Variants in PRKN observed in about 807,000 individuals in gnomAD.
The protein encoded by PRKN is parkin RBR E3 ubiquitin protein ligase.
Under a neutral mutation model 59.5 loss-of-function variants are expected in PRKN, and 56 were observed. The ratio of observed to expected loss-of-function variants is 0.94; its 90% CI spans 0.76 to 1.18. PRKN has a LOEUF of 1.18. PRKN is among the 50% of genes most tolerant of loss of function. The pLI is 0.00. For synonymous variants in PRKN, 250 were observed against 222.1 expected (o/e 1.13, Z -1.12); for missense variants, 657 against 596.4 (o/e 1.10, Z -1.06).
At chr6:161,796,676 C>G (rs1191470140) in intron 6 of PRKN, among the ~76,000 whole-genome samples, 4 of 151,982 alleles carry the variant, frequency 2.6e-5, no homozygotes, top group African/African-American at 9.7e-5. Context: ...TATAATAGTC[C>G]AAGTTCTTCA....
chr6:161,366,771 G>A (rs1487455202), intron 10 of PRKN, among the ~76,000 whole-genome samples: 1 of 152,002 alleles, frequency 6.6e-6, no homozygotes, highest in Non-Finnish European at 1.5e-5. Context: ...ACCAGCCCGG[G>A]TGTTTCTGTA....
rs185986017 is a variant in PRKN, at chr6:161,401,358, C to T, written c.1084-14481G>A. Reference sequence around the variant, plus strand: ...GGGCATGGTGGCTCACATCTGTAATCCCAGCACTTTGGGAAGCCAAGGTGG... The same window carrying T: ...GGGCATGGTGGCTCACATCTGTAATTCCAGCACTTTGGGAAGCCAAGGTGG... On this transcript the variant is annotated intron_variant, in intron 9 of 11. Transcript: ENST00000366898. This position sits in a 1 kb window ranked among gnomAD's most constrained non-coding sequence, Gnocchi z 4.4. Among the ~76,000 whole-genome samples the T allele has an allele frequency of 6.6e-6, 1 of 152,120 alleles. No individual in the cohort carries two copies. Among genetic ancestry groups the T allele is most frequent in the Admixed American group, 6.5e-5 (1 of 15,278 alleles).
chr6:162,232,671 G>A (rs1481310397), intron 3 of PRKN, among the ~76,000 whole-genome samples: 1 of 152,042 alleles, frequency 6.6e-6, no homozygotes. Flanking sequence ...TCTTCTCTCT[G>A]CTGTGACTTT....
rs374367057 is a variant in PRKN, at chr6:162,358,212, T to G, written c.171+85098A>C. ...TTGTGCAACTTTTCTGTATGTACAA[T>G]TTGTCTGTAATCCTAAAATTACAGA... On this transcript the variant is annotated intron_variant, in intron 2 of 11. Coordinates refer to ENST00000366898, the MANE Select transcript of PRKN (RefSeq NM_004562.3). 1.4e-4 allele frequency among the ~76,000 whole-genome samples: 22 copies of G among 152,316 alleles called. No individual in the cohort carries two copies. The East Asian group carries it at 3.3e-3, about 23-fold the overall frequency.
At chr6:161,382,878 C>T (rs1395838858) in intron 10 of PRKN, among the ~76,000 whole-genome samples, 2 of 152,188 alleles carry the variant, frequency 1.3e-5, no homozygotes, top group African/African-American at 2.4e-5. Flanking sequence ...AATGGGCTCT[C>T]CTGGCTGGAG....
At chr6:162,367,288 C>T (rs1162422219) in intron 2 of PRKN, among the ~76,000 whole-genome samples, 1 of 152,166 alleles carries the variant, frequency 6.6e-6, no homozygotes, top group Non-Finnish European at 1.5e-5. Context: ...TCAATTAAAC[C>T]TCTTTCCTTT....
intron 9 of PRKN, among the ~76,000 whole-genome samples, chr6:161,474,597 C>CT (rs758067408): frequency 6.2e-4 from 89 of 144,014 alleles, no homozygotes; most frequent in Admixed American, 7.6e-4. Flanking sequence ...TTCACCATTA[C>CT]TTTTTTTTTT....
intron 2 of PRKN, among the ~76,000 whole-genome samples, chr6:162,324,461 A>G (rs1783175539): frequency 6.6e-6 from 1 of 152,146 alleles, no homozygotes; most frequent in Non-Finnish European, 1.5e-5. Context: ...TCCACATGAA[A>G]AGAAACCCAA....
intron 1 of PRKN, among the ~76,000 whole-genome samples, chr6:162,454,759 T>C (rs1790786718): frequency 6.6e-6 from 1 of 152,162 alleles, no homozygotes; most frequent in Admixed American, 6.5e-5. Flanking sequence ...GAAATCAACA[T>C]TCTCCCACTT....
intron 5 of PRKN, among the ~76,000 whole-genome samples, chr6:162,040,460 CA>C (rs1475891756): frequency 6.7e-6 from 1 of 149,196 alleles, no homozygotes; most frequent in East Asian, 2.0e-4. Flanking sequence ...GGCTGGAGTG[CA>C]ATGGCACGGT....
chr6:162,384,167 C>T (rs1003375988), intron 2 of PRKN, among the ~76,000 whole-genome samples: 4 of 152,178 alleles, frequency 2.6e-5, no homozygotes, highest in Non-Finnish European at 5.9e-5. Flanking sequence ...TTTGCATTCA[C>T]AAATTGGCTA....
At chr6:162,513,289 G>A (rs1309633272) in intron 1 of PRKN, among the ~76,000 whole-genome samples, 1 of 151,960 alleles carries the variant, frequency 6.6e-6, no homozygotes, top group Admixed American at 6.6e-5. Flanking sequence ...GACCAGCCTG[G>A]CCAACATGGT....
rs186469758 is a variant in PRKN, at chr6:162,539,962, G to A, written c.8-96489C>T. Among the ~76,000 whole-genome samples the A allele has an allele frequency of 7.0e-4, 107 of 151,988 alleles. 1 individual carries two copies. The South Asian group carries it at 9.4e-3, about 13-fold the overall frequency. ...TTTTGAGATGGAGTCTCCCTCTGTCGCCCAGGCTAGAGTGCAATGGCCTGA... is the reference window on the plus strand; with the variant it reads ...TTTTGAGATGGAGTCTCCCTCTGTCACCCAGGCTAGAGTGCAATGGCCTGA... On this transcript the variant is annotated intron_variant, in intron 1 of 11. Transcript: ENST00000366898.
At chr6:161,600,260 C>T (rs1450685581) in intron 7 of PRKN, among the ~76,000 whole-genome samples, 1 of 151,912 alleles carries the variant, frequency 6.6e-6, no homozygotes, top group Non-Finnish European at 1.5e-5. Context: ...TATTCTTTTC[C>T]ACTCCCAGAG....
chr6:162,663,853 A>G (rs558276319), intron 1 of PRKN, among the ~76,000 whole-genome samples: 13 of 152,256 alleles, frequency 8.5e-5, no homozygotes, highest in African/African-American at 3.1e-4. Flanking sequence ...GTTATTTGCT[A>G]TACTGGTGAA....
At chr6:162,624,588 G>T (rs1302247876) in intron 1 of PRKN, 1 of 152,202 alleles carries the variant, frequency 6.6e-6, no homozygotes, top group Non-Finnish European at 1.5e-5. Flanking sequence ...CAGATTAACT[G>T]TAAAGGAAAA....
At chr6:161,866,881 T>C (rs1384797767) in intron 6 of PRKN, among the ~76,000 whole-genome samples, 1 of 152,132 alleles carries the variant, frequency 6.6e-6, no homozygotes, top group African/African-American at 2.4e-5. Context: ...CCTCAGTTTG[T>C]TTTCTCTCTA....
chr6:162,600,728 T>C (rs1562423807), intron 1 of PRKN, among the ~76,000 whole-genome samples: 2 of 152,070 alleles, frequency 1.3e-5, no homozygotes, highest in African/African-American at 2.4e-5. Flanking sequence ...TATCGTGAGA[T>C]CTCATTGTTT....
chr6:162,228,086 G>A (rs1232627510), intron 3 of PRKN, among the ~76,000 whole-genome samples: 10 of 152,134 alleles, frequency 6.6e-5, no homozygotes, highest in African/African-American at 2.2e-4. Context: ...ACCTCACTAC[G>A]CTGAGCTCAT....
Sources: gnomAD v4.1 joint callset for allele counts (sites outside exome capture counted in the v4.1 genomes callset) on GRCh38, gnomAD v4.1.1 for gene constraint, Gnocchi (gnomAD v3.1) non-coding constraint, MANE v1.5 for transcripts, NCBI Gene and HGNC (gene_info 2026-07-23, HGNC 2026-07-21) for gene names.